The following CTCF variants were observed in gnomAD, a reference collection of about 807,000 sequenced individuals.
The protein encoded by CTCF is CCCTC-binding factor, also known as transcriptional repressor CTCF.
In CTCF, 7 loss-of-function variants were observed where a neutral mutation model predicts 72.3. The observed-to-expected ratio is 0.10, with a 90% CI of 0.06 to 0.18. The LOEUF (loss-of-function observed/expected upper bound fraction) is 0.18. Ranked by LOEUF, CTCF falls within the 10% of genes least tolerant of loss-of-function variation. The pLI is 1.00. For missense variants in CTCF, 516 were observed against 949.1 expected (o/e 0.54, Z 6.00); for synonymous variants, 374 against 315.8 (o/e 1.18, Z -1.95).
chr16:67,573,729 C>G (rs1319637937), intron 2 of CTCF, among the ~76,000 whole-genome samples: 3 of 151,824 alleles, frequency 2.0e-5, no homozygotes, highest in Non-Finnish European at 4.4e-5. Context: ...CAACCACCAT[C>G]AACACAAAAG....
At chr16:67,612,172 T>C in intron 4 of CTCF, 51 bp downstream of exon 4, 1 of 1,537,158 alleles carries the variant, frequency 6.5e-7, no homozygotes, top group East Asian at 2.3e-5. Context: ...CAGACTTCGC[T>C]TTTTAGTATT....
At chr16:67,596,548 G>GT (rs2051817671) in intron 2 of CTCF, among the ~76,000 whole-genome samples, 2 of 151,656 alleles carry the variant, frequency 1.3e-5, no homozygotes, top group African/African-American at 4.8e-5. Context: ...TGTTCAACAT[G>GT]TTTTTGTCAT....
At chr16:67,632,169 A>G (rs117190637) in intron 10 of CTCF, among the ~76,000 whole-genome samples, 1 of 151,978 alleles carries the variant, frequency 6.6e-6, no homozygotes, top group Non-Finnish European at 1.5e-5. Flanking sequence ...GTGATCAGAT[A>G]ATCTTAACCT....
intron 2 of CTCF, among the ~76,000 whole-genome samples, chr16:67,573,237 ACT>A (rs921290681): frequency 4.0e-5 from 6 of 150,912 alleles, no homozygotes; most frequent in East Asian, 2.0e-4. Context: ...ACAGAGTGAG[ACT>A]CTGTCTCAAA....
chr16:67,607,498 G>T lies in CTCF; in HGVS notation c.-9-3326G>T, dbSNP rs1301444705. On this transcript the variant is annotated intron_variant, in intron 2 of 11. Transcript: ENST00000264010. ...TTTTTGTATTTTTAGTAGAGATGGG[G>T]TTTTGCCATGTTAGCCAGGCTGGTC... Among the ~76,000 whole-genome samples, 4 of 151,568 alleles carry T rather than the reference G, an allele frequency of 2.6e-5. No individual in the cohort carries two copies. In the East Asian group the frequency reaches 8.0e-4, roughly 30 times the overall value.
At chr16:67,575,525 G>T (rs2051483989) in intron 2 of CTCF, among the ~76,000 whole-genome samples, 2 of 152,068 alleles carry the variant, frequency 1.3e-5, no homozygotes, top group South Asian at 4.2e-4. Context: ...GCTCACTGCA[G>T]CCTCTGCTTC....
chr16:67,624,071 A>ATGTGTGTGTGTGTGTGTGTGTGTGTGTG (rs58387336), intron 7 of CTCF, among the ~76,000 whole-genome samples: 1 of 117,614 alleles, frequency 8.5e-6, no homozygotes, highest in Non-Finnish European at 1.7e-5. Flanking sequence ...AAAATTATAT[A>ATGTGTGTGTGTGTGTGTGTGTGTGTGTG]TGTGTGTGTG....
At chr16:67,636,475 G>A (rs1167040001) in intron 10 of CTCF, among the ~76,000 whole-genome samples, 1 of 150,144 alleles carries the variant, frequency 6.7e-6, no homozygotes, top group Non-Finnish European at 1.5e-5. Flanking sequence ...TTGAATCTGG[G>A]AGGCAGAGAT....
chr16:67,592,910 C>G (rs745889364), intron 2 of CTCF, among the ~76,000 whole-genome samples: 1 of 151,584 alleles, frequency 6.6e-6, no homozygotes, highest in African/African-American at 2.4e-5. Flanking sequence ...GCCTGTAGTC[C>G]CAGCTACTTA....
At position 67,608,336 on chromosome 16, in the gene CTCF, A is replaced by T. The variant is rs1052851381; in HGVS notation, c.-9-2488A>T. On this transcript the variant is annotated intron_variant, in intron 2 of 11. Coordinates refer to ENST00000264010, the MANE Select transcript of CTCF (RefSeq NM_006565.4). ...GAGACTCCGTCTCAAAAAAAAAATT[A>T]AAAAAAAAAAAACGACTTGTTAGAT... Among the ~76,000 whole-genome samples the T allele has an allele frequency of 7.7e-5, 11 of 143,496 alleles. 1 individual carries two copies. The highest frequency in any genetic ancestry group is 6.7e-4 in the South Asian group (3 of 4,500). 94.1% of individuals were successfully genotyped at this position (143,496 alleles called of 152,430 possible).
At chr16:67,584,465 C>T (rs1032432034) in intron 2 of CTCF, among the ~76,000 whole-genome samples, 2 of 151,262 alleles carry the variant, frequency 1.3e-5, no homozygotes, top group Non-Finnish European at 2.9e-5. Context: ...CTCAGCCTCC[C>T]TAGTAGCTGG....
At chr16:67,635,510 G>T (rs1299427297) in intron 10 of CTCF, 2 of 151,988 alleles carry the variant, frequency 1.3e-5, no homozygotes, top group Non-Finnish European at 2.9e-5. Context: ...TTTCTCTGGA[G>T]ACAGAGTTTC....
intron 2 of CTCF, among the ~76,000 whole-genome samples, chr16:67,590,082 C>T (rs972940892): frequency 4.0e-5 from 6 of 150,736 alleles, no homozygotes; most frequent in African/African-American, 7.3e-5. Flanking sequence ...AGCGAAACTC[C>T]GTCTCAAAAA....
intron 7 of CTCF, among the ~76,000 whole-genome samples, chr16:67,625,067 G>A (rs1231087406): frequency 1.3e-5 from 2 of 152,130 alleles, no homozygotes; most frequent in Non-Finnish European, 2.9e-5. Context: ...TGGGACCACA[G>A]GTGTACGCCA....
chr16:67,577,523 C>T (rs1256319201), intron 2 of CTCF, among the ~76,000 whole-genome samples: 12 of 150,698 alleles, frequency 8.0e-5, no homozygotes, highest in South Asian at 2.1e-4. Context: ...CTGCAAGCTC[C>T]GCCTCCCGGG....
chr16:67,569,724 C>T (rs1290741718), intron 1 of CTCF, among the ~76,000 whole-genome samples: 1 of 150,602 alleles, frequency 6.6e-6, no homozygotes, highest in African/African-American at 2.4e-5. Context: ...CTAGCTCTGT[C>T]GCCCAGGCTG....
At chr16:67,634,391 A>G (rs915127020) in intron 10 of CTCF, among the ~76,000 whole-genome samples, 3 of 151,960 alleles carry the variant, frequency 2.0e-5, no homozygotes, top group Non-Finnish European at 2.9e-5. Flanking sequence ...TATTTTTAGT[A>G]GAGATGGGGT....
At chr16:67,583,925 G>T (rs1567596285) in intron 2 of CTCF, among the ~76,000 whole-genome samples, 1 of 152,248 alleles carries the variant, frequency 6.6e-6, no homozygotes, top group East Asian at 1.9e-4. Context: ...CAGTAGAGTG[G>T]TGTGCATTAG....
At chr16:67,602,903 T>TA in intron 2 of CTCF, among the ~76,000 whole-genome samples, 1 of 151,568 alleles carries the variant, frequency 6.6e-6, no homozygotes, top group South Asian at 2.1e-4. Context: ...AGTATAAAGT[T>TA]AAATTGCAAA....
Sources: gnomAD v4.1 joint callset for allele counts (sites outside exome capture counted in the v4.1 genomes callset) on GRCh38, gnomAD v4.1.1 for gene constraint, MANE v1.5 for transcripts, NCBI Gene and HGNC (gene_info 2026-07-23, HGNC 2026-07-21) for gene names.